The following TET1 variants were observed in gnomAD, a reference collection of about 807,000 sequenced individuals.
TET1 encodes tet methylcytosine dioxygenase 1.
Under a neutral mutation model 148.7 loss-of-function variants are expected in TET1, and 13 were observed. The ratio of observed to expected loss-of-function variants is 0.09; its 90% confidence interval spans 0.06 to 0.14. TET1 has a LOEUF of 0.14. TET1 is among the 10% of genes least tolerant of loss of function. The pLI, the probability that TET1 is intolerant of heterozygous loss-of-function variation, is 1.00. For synonymous variants in TET1, 907 were observed against 937.2 expected (o/e 0.97, Z 0.59); for missense variants, 2,182 against 2,553.8 (o/e 0.85, Z 3.14).
At chr10:68,597,159 G>C (rs112447710) in intron 2 of TET1, among the ~76,000 whole-genome samples, 2 of 150,304 alleles carry the variant, frequency 1.3e-5, no homozygotes, top group South Asian at 4.2e-4. Context: ...TCAGTCTCCC[G>C]AGTAGTTGGG....
At chr10:68,664,271 C>A (rs1010626929) in intron 6 of TET1, among the ~76,000 whole-genome samples, 1 of 151,772 alleles carries the variant, frequency 6.6e-6, no homozygotes, top group African/African-American at 2.4e-5. Flanking sequence ...TCTATGGGGG[C>A]AATTCTCTGT....
intron 8 of TET1, among the ~76,000 whole-genome samples, chr10:68,675,482 C>T (rs893023958): frequency 3.9e-5 from 6 of 151,944 alleles, no homozygotes; most frequent in Middle Eastern, 3.4e-3. Context: ...AAGAAATCTG[C>T]AGTTTACAAA....
intron 3 of TET1, among the ~76,000 whole-genome samples, chr10:68,627,603 A>G (rs1010247419): frequency 1.3e-5 from 2 of 151,644 alleles, no homozygotes; most frequent in African/African-American, 2.4e-5. Flanking sequence ...CTCAAAAAAA[A>G]GTAAAAAGAA....
intron 11 of TET1, among the ~76,000 whole-genome samples, chr10:68,690,456 A>G (rs2055574155): frequency 6.6e-6 from 1 of 152,086 alleles, no homozygotes; most frequent in Admixed American, 6.5e-5. Flanking sequence ...AAAATACAAA[A>G]AATTAGCCAG....
intron 3 of TET1, among the ~76,000 whole-genome samples, chr10:68,602,522 G>GTCT (rs2054070993): frequency 6.6e-6 from 1 of 152,208 alleles, no homozygotes; most frequent in Non-Finnish European, 1.5e-5. Context: ...TAGTATCTAT[G>GTCT]TCTTCCCCTG....
At chr10:68,597,886 C>T (rs1380586347) in intron 2 of TET1, among the ~76,000 whole-genome samples, 1 of 151,936 alleles carries the variant, frequency 6.6e-6, no homozygotes, top group Non-Finnish European at 1.5e-5. Context: ...CTATATGATT[C>T]CAATTATAGG....
intron 3 of TET1, among the ~76,000 whole-genome samples, chr10:68,629,256 T>C (rs1290526429): frequency 6.6e-6 from 1 of 151,808 alleles, no homozygotes; most frequent in Non-Finnish European, 1.5e-5. Context: ...CCCCAGCTAC[T>C]TGGGAGGCTG....
At chr10:68,598,251 C>T (rs2054009997) in intron 2 of TET1, among the ~76,000 whole-genome samples, 2 of 152,046 alleles carry the variant, frequency 1.3e-5, no homozygotes, top group African/African-American at 4.8e-5. Flanking sequence ...ATTAGCCAGG[C>T]GTGATGGCGC....
At chr10:68,624,438 C>A (rs1390853835) in intron 3 of TET1, among the ~76,000 whole-genome samples, 1 of 152,028 alleles carries the variant, frequency 6.6e-6, no homozygotes, top group Middle Eastern at 3.4e-3. Flanking sequence ...TACAGGCATG[C>A]GCCACCACAC....
rs543556761 is a variant in TET1, at chr10:68,595,530, A to G, written c.1915-5451A>G. On this transcript the variant is annotated intron_variant, in intron 2 of 11. Transcript: ENST00000373644. ...CAGTTTCTTATCAATCCAGAGGTGC[A>G]TATACCCAGAAAGAGAAGTGGAGTT... is the stretch of plus-strand genomic sequence containing the variant. Among the ~76,000 whole-genome samples the G allele has an allele frequency of 1.9e-4, 29 of 151,124 alleles. No individual in the cohort carries two copies. The East Asian group carries it at 5.2e-3, about 27-fold the overall frequency.
chr10:68,688,344 C>A (rs1043850348), intron 11 of TET1, among the ~76,000 whole-genome samples: 1 of 151,846 alleles, frequency 6.6e-6, no homozygotes, highest in Non-Finnish European at 1.5e-5. Flanking sequence ...GTGATCCACC[C>A]GCCTCGGCCT....
chr10:68,635,356 A>G (rs1417006424), intron 3 of TET1, among the ~76,000 whole-genome samples: 2 of 151,904 alleles, frequency 1.3e-5, no homozygotes, highest in Non-Finnish European at 1.5e-5. Context: ...CACTTTGGGA[A>G]GCTAAAGTGA....
At chr10:68,681,564 C>T in intron 9 of TET1, 76 bp downstream of exon 9, 3 of 951,604 alleles carry the variant, frequency 3.2e-6, no homozygotes, top group Non-Finnish European at 4.8e-6. Context: ...GGCAGCAGTA[C>T]AGTGGCATGA....
At chr10:68,673,488 G>A in intron 8 of TET1, 1 of 357,434 alleles carries the variant, frequency 2.8e-6, no homozygotes, top group Non-Finnish European at 5.7e-6. Flanking sequence ...CGAGGCCATG[G>A]TGAGCAAAGA....
chr10:68,597,030 A>AT (rs553591899), intron 2 of TET1, among the ~76,000 whole-genome samples: 1,909 of 98,836 alleles, frequency 0.019, 171 homozygotes, highest in East Asian at 0.05. Flanking sequence ...CAGCTAATGG[A>AT]TTTTTTTTTT....
chr10:68,633,416 T>C (rs960974470), intron 3 of TET1, among the ~76,000 whole-genome samples: 1 of 152,060 alleles, frequency 6.6e-6, no homozygotes, highest in Non-Finnish European at 1.5e-5. Flanking sequence ...AGTCTTCCTC[T>C]GTCACCCAGG....
At chr10:68,648,016 A>G (rs1248686126) in intron 4 of TET1, among the ~76,000 whole-genome samples, 1 of 152,198 alleles carries the variant, frequency 6.6e-6, no homozygotes, top group African/African-American at 2.4e-5. Flanking sequence ...ATTTTAACAT[A>G]TTTTAACAAA....
At chr10:68,593,522 C>T (rs897701494) in intron 2 of TET1, among the ~76,000 whole-genome samples, 2 of 151,824 alleles carry the variant, frequency 1.3e-5, no homozygotes, top group East Asian at 3.9e-4. Flanking sequence ...GGCTCACTCT[C>T]TGCCTCCGGG....
At chr10:68,643,824 A>G (rs185655904) in intron 3 of TET1, among the ~76,000 whole-genome samples, 1 of 152,306 alleles carries the variant, frequency 6.6e-6, no homozygotes, top group East Asian at 1.9e-4. Flanking sequence ...AAAAAAATAA[A>G]TTATTTAAAA....
Sources: gnomAD v4.1 joint callset for allele counts (sites outside exome capture counted in the v4.1 genomes callset) on GRCh38, gnomAD v4.1.1 for gene constraint, MANE v1.5 for transcripts, NCBI Gene and HGNC (gene_info 2026-07-23, HGNC 2026-07-21) for gene names.